Variants in USP15 observed in about 807,000 individuals in gnomAD.
USP15 encodes the protein ubiquitin specific peptidase 15, also known as ubiquitin carboxyl-terminal hydrolase 15.
In USP15, 18 loss-of-function variants were observed where a neutral mutation model predicts 127.1. The observed-to-expected ratio is 0.14, with a 90% CI of 0.10 to 0.21. USP15 has a LOEUF of 0.21. Ranked by LOEUF, USP15 falls within the 10% of genes least tolerant of loss-of-function variation. The pLI, the probability that USP15 is intolerant of heterozygous loss-of-function variation, is 1.00. For synonymous variants in USP15, 364 were observed against 393.7 expected (o/e 0.92, Z 0.89); for missense variants, 805 against 1,159.9 (o/e 0.69, Z 4.44).
At chr12:62,310,383 CCCTT>C (rs2064630442) in intron 3 of USP15, among the ~76,000 whole-genome samples, 1 of 151,806 alleles carries the variant, frequency 6.6e-6, no homozygotes, top group African/African-American at 2.4e-5. Context: ...CTTCCCTGCT[CCCTT>C]CCTTATCCTT....
At chr12:62,373,820 C>G (rs1406176147) in intron 8 of USP15, among the ~76,000 whole-genome samples, 1 of 151,766 alleles carries the variant, frequency 6.6e-6, no homozygotes, top group African/African-American at 2.4e-5. Context: ...AATGAGATTT[C>G]CCTTTCTTAG....
chr12:62,335,424 G>C (rs761894919), intron 6 of USP15: 1 of 1,378,332 alleles, frequency 7.3e-7, no homozygotes, highest in African/African-American at 1.5e-5. Context: ...TTTACCTGTC[G>C]ACCACATCCA....
At chr12:62,395,181 CT>C (rs1399531660) in intron 19 of USP15, among the ~76,000 whole-genome samples, 1 of 152,000 alleles carries the variant, frequency 6.6e-6, no homozygotes, top group Non-Finnish European at 1.5e-5. Flanking sequence ...ATATAAATCA[CT>C]TCCTCTTTTT....
rs375002044 is a variant in USP15 at position 62,323,303 on chromosome 12, C to T, written c.621+1694C>T. The stretch of plus-strand genomic sequence containing the variant: ...TTTTATTTTCAGAACCTAACATGCC[C>T]GGTGCTCTGATAAATGGAAGATTTT... On this transcript the variant is annotated intron_variant, in intron 5 of 21. Coordinates refer to ENST00000280377, the MANE Select transcript of USP15 (RefSeq NM_001252078.2). Among the ~76,000 whole-genome samples, 20 of 152,160 alleles carry T rather than the reference C, an allele frequency of 1.3e-4. No individual in the cohort carries two copies. In the East Asian group the frequency reaches 1.3e-3, roughly 10 times the overall value.
At chr12:62,308,341 T>C (rs146332314) in intron 3 of USP15, among the ~76,000 whole-genome samples, 1 of 152,176 alleles carries the variant, frequency 6.6e-6, no homozygotes, top group African/African-American at 2.4e-5. Context: ...CCAGTGATTG[T>C]GACCTCTTAG....
At chr12:62,276,082 A>G (rs920649570) in intron 1 of USP15, among the ~76,000 whole-genome samples, 2 of 152,140 alleles carry the variant, frequency 1.3e-5, no homozygotes, top group East Asian at 1.9e-4. Context: ...AGATTGATGT[A>G]TGTAAGAATC....
chr12:62,288,613 G>A (rs1386725591), intron 1 of USP15, among the ~76,000 whole-genome samples: 1 of 152,054 alleles, frequency 6.6e-6, no homozygotes, highest in African/African-American at 2.4e-5. Context: ...TTTTCTGGCT[G>A]TGACTTTTAG....
At chr12:62,349,447 C>G in intron 7 of USP15, 140 bp downstream of exon 7, 1 of 451,002 alleles carries the variant, frequency 2.2e-6, no homozygotes, top group Non-Finnish European at 3.7e-6. Flanking sequence ...TCAGTTCTTC[C>G]ATGAGTAACA....
chr12:62,398,001 T>G (rs987034337), intron 20 of USP15, among the ~76,000 whole-genome samples: 7 of 24,928 alleles, frequency 2.8e-4, no homozygotes, highest in African/African-American at 8.0e-4. Flanking sequence ...TATCTATACG[T>G]TTTTTTTTTG....
chr12:62,275,398 C>G (rs1228139945), intron 1 of USP15, among the ~76,000 whole-genome samples: 1 of 149,640 alleles, frequency 6.7e-6, no homozygotes, highest in African/African-American at 2.5e-5. Flanking sequence ...ATCACCCCCC[C>G]ACCCAAAAAA....
At chr12:62,296,853 A>G (rs775097491) in intron 2 of USP15, among the ~76,000 whole-genome samples, 1 of 152,186 alleles carries the variant, frequency 6.6e-6, no homozygotes, top group Non-Finnish European at 1.5e-5. Flanking sequence ...AAAGAGGGAG[A>G]TCACGTGCTT....
chr12:62,275,705 A>G (rs1258739255), intron 1 of USP15, among the ~76,000 whole-genome samples: 1 of 152,120 alleles, frequency 6.6e-6, no homozygotes. Flanking sequence ...GCAGAAGGAA[A>G]TTAGATCCAC....
rs576217618 is a variant in USP15, at chr12:62,411,883, G to A, written c.*7508G>A. On this transcript the variant is annotated 3_prime_UTR_variant, in exon 22 of 22. Coordinates refer to ENST00000280377, the MANE Select transcript of USP15 (RefSeq NM_001252078.2). ...TCTGAGGCATCTCTTTTTTATAAGG[G>A]CACTAATCCCGTCATGAAGCCCTCA... The A allele has an allele frequency of 2.0e-5, 3 of 152,144 alleles. No individual in the cohort carries two copies. The South Asian group carries it at 6.2e-4, about 32-fold the overall frequency. The allele number at this position is 152,144 out of a possible 1,614,324, so 9.4% of individuals were successfully genotyped here.
chr12:62,328,944 A>AT (rs758533120), intron 6 of USP15, among the ~76,000 whole-genome samples: 5 of 152,198 alleles, frequency 3.3e-5, no homozygotes, highest in Non-Finnish European at 7.3e-5. Flanking sequence ...GATTATTTAG[A>AT]TTTAGTAGGA....
intron 3 of USP15, among the ~76,000 whole-genome samples, chr12:62,308,135 T>C (rs2064541200): frequency 6.6e-6 from 1 of 152,132 alleles, no homozygotes; most frequent in Admixed American, 6.6e-5. Context: ...TCGGAATATA[T>C]GTCTTCAAAG....
At chr12:62,323,134 A>G (rs1039662625) in intron 5 of USP15, among the ~76,000 whole-genome samples, 6 of 152,244 alleles carry the variant, frequency 3.9e-5, no homozygotes, top group Non-Finnish European at 7.4e-5. Flanking sequence ...GGATGTTTCT[A>G]CTTTGGAGAA....
At chr12:62,360,978 A>C (rs2066296258) in intron 8 of USP15, among the ~76,000 whole-genome samples, 1 of 151,936 alleles carries the variant, frequency 6.6e-6, no homozygotes, top group Non-Finnish European at 1.5e-5. Context: ...AAAAAAATGT[A>C]AACAACCTTA....
intron 8 of USP15, 135 bp from the exon 9 acceptor site, chr12:62,381,355 A>G (rs2066984634): frequency 1.5e-6 from 1 of 656,804 alleles, no homozygotes; most frequent in Non-Finnish European, 2.4e-6. Flanking sequence ...TTGACCAGTT[A>G]TTAGTGCAAG....
At chr12:62,328,115 A>G (rs149963338) in intron 6 of USP15, among the ~76,000 whole-genome samples, 1 of 152,320 alleles carries the variant, frequency 6.6e-6, no homozygotes, top group East Asian at 1.9e-4. Flanking sequence ...GGAGAAGATA[A>G]GAAAGAAGAA....
Sources: allele counts gnomAD v4.1 joint callset (sites outside exome capture counted in the v4.1 genomes callset), GRCh38; gene constraint gnomAD v4.1.1; transcripts MANE v1.5; gene names NCBI Gene and HGNC (gene_info 2026-07-23, HGNC 2026-07-21).